The following DOCK9 variants were observed in gnomAD, a reference collection of about 807,000 sequenced individuals.
The protein encoded by DOCK9 is dedicator of cytokinesis 9, also known as dedicator of cytokinesis protein 9.
DOCK9 carries 89 observed loss-of-function variants against 263.3 expected under a neutral mutation model. The observed-to-expected ratio is 0.34, with a 90% CI of 0.28 to 0.40. The LOEUF (loss-of-function observed/expected upper bound fraction) is 0.40, where lower values mean the gene tolerates loss of function less well. Among genes scored for constraint, DOCK9 ranks in the 10% least tolerant of loss-of-function variants. The probability of loss-of-function intolerance (pLI) is 1.00; values close to 1 mark genes in which losing one functional copy is unlikely to be tolerated. For missense variants in DOCK9, 2,140 were observed against 2,603.4 expected, an observed-to-expected ratio of 0.82 and a Z score of 3.87; for synonymous variants, 976 against 973.1, an observed-to-expected ratio of 1.00 and a Z score of -0.06.
At chr13:98,798,943 C>T (rs2089780904) in intron 50 of DOCK9, among the ~76,000 whole-genome samples, 1 of 152,210 alleles carries the variant, frequency 6.6e-6, no homozygotes, top group African/African-American at 2.4e-5. Flanking sequence ...ACTGGTGCCA[C>T]ACCCCTCCAG....
intron 31 of DOCK9, 34 bp downstream of exon 31, chr13:98,863,336 T>C: frequency 6.2e-7 from 1 of 1,601,326 alleles, no homozygotes. Flanking sequence ...AAGGACATTA[T>C]CAATGCACAT....
intron 1 of DOCK9, among the ~76,000 whole-genome samples, chr13:98,964,185 G>C (rs2058966662): frequency 6.6e-6 from 1 of 152,208 alleles, no homozygotes; most frequent in South Asian, 2.1e-4. Flanking sequence ...ATGAATGACA[G>C]CAGCAGGGAC....
chr13:98,917,641 T>A (rs1382808910), intron 7 of DOCK9, among the ~76,000 whole-genome samples: 5 of 148,306 alleles, frequency 3.4e-5, no homozygotes, highest in Non-Finnish European at 1.5e-5. Context: ...TACCTTTTTT[T>A]TTCTTTTTTT....
In DOCK9 at chr13:98,888,423, G is replaced by A. The variant is rs1254091639; in HGVS notation, c.1914C>T (p.Tyr638=). 1 of 1,613,904 alleles carries A rather than the reference G, an allele frequency of 6.2e-7. No individual in the cohort carries two copies. The highest frequency in any genetic ancestry group is 8.5e-7 in the Non-Finnish European group (1 of 1,179,888). The part of the protein sequence containing the change: ...IPKHTQPYTI[Y]TNHLYVYPKY... ...TAGGATAAACGTAAAGGTGATTGGT[G>A]TAGATGGTGTAAGGCTGAGTGTGTT... Residue 638 remains tyrosine, a synonymous_variant, in exon 17 of 53, where the codon TAC becomes TAT. Transcript: ENST00000682017.
intron 7 of DOCK9, among the ~76,000 whole-genome samples, chr13:98,918,629 C>T (rs2051302259): frequency 6.6e-6 from 1 of 152,108 alleles, no homozygotes. Flanking sequence ...CCTTGAAATT[C>T]CAAGGTAAAA....
chr13:98,875,743 T>C (rs1056570328), intron 27 of DOCK9, among the ~76,000 whole-genome samples: 7 of 152,228 alleles, frequency 4.6e-5, no homozygotes, highest in African/African-American at 1.7e-4. Flanking sequence ...TCCAAGTACA[T>C]GTCACCTATG....
At position 98,831,390 on chromosome 13, in the gene DOCK9, A is replaced by G; in HGVS notation, c.4593T>C (p.Phe1531=). The G allele has an allele frequency of 6.2e-7, 1 of 1,605,126 alleles. No individual in the cohort carries two copies. The highest frequency in any genetic ancestry group is 8.5e-7 in the Non-Finnish European group (1 of 1,175,548). The change falls in exon 41 of 53, where the codon TTT becomes TTC. Residue 1531 remains phenylalanine, a synonymous_variant. Transcript: ENST00000682017. ...CAAAGGACTTCTTTCCAGTGTAATC[A>G]AAGTTGTTCCTCATCAGGAAGTAGA... ...QLLYFLMRNN[F]DYTGKKSFVR...
chr13:99,067,863 A>G (rs1341941580), intron 1 of DOCK9, among the ~76,000 whole-genome samples: 1 of 140,928 alleles, frequency 7.1e-6, no homozygotes, highest in African/African-American at 2.6e-5. Flanking sequence ...CATTGTAAGG[A>G]CAGAAGCTTT....
chr13:99,082,103 C>A (rs998213113), intron 1 of DOCK9, among the ~76,000 whole-genome samples: 1 of 152,110 alleles, frequency 6.6e-6, no homozygotes. Context: ...CCTGTAATCC[C>A]AGCTACTCTG....
At position 98,886,630 on chromosome 13, in the gene DOCK9, A is replaced by AT; in HGVS notation, c.2044-7dup. 6.2e-7 allele frequency: 1 copy of AT among 1,612,378 alleles called. No homozygotes were observed. Among genetic ancestry groups the AT allele is most frequent in the Non-Finnish European group, 8.5e-7 (1 of 1,178,756 alleles). On this transcript the variant is annotated splice_polypyrimidine_tract_variant and splice_region_variant and intron_variant, in intron 18 of 52. Transcript: ENST00000682017. ...CCAGGTCTGCCATAAATGCACTAAA[A>AT]TAAGAGTTACCAAAGGGAAACATCA... is the stretch of plus-strand genomic sequence containing the variant.
At chr13:98,998,539 C>A (rs1375927151) in intron 1 of DOCK9, among the ~76,000 whole-genome samples, 1 of 152,142 alleles carries the variant, frequency 6.6e-6, no homozygotes, top group Non-Finnish European at 1.5e-5. Context: ...ATTTCCGAAC[C>A]AAGAGACTTG....
chr13:98,967,825 T>A (rs1159791790), intron 1 of DOCK9, among the ~76,000 whole-genome samples: 1 of 152,196 alleles, frequency 6.6e-6, no homozygotes, highest in East Asian at 1.9e-4. Flanking sequence ...AAATACTAAA[T>A]CTTTCCAAAG....
chr13:99,074,820 G>A (rs1310648146), intron 1 of DOCK9, among the ~76,000 whole-genome samples: 2 of 152,086 alleles, frequency 1.3e-5, no homozygotes, highest in Non-Finnish European at 2.9e-5. Context: ...CTCTACTTAC[G>A]TTAAATTTTG....
At chr13:98,898,431 T>C (rs1197840437) in intron 13 of DOCK9, among the ~76,000 whole-genome samples, 170 bp from the exon 14 acceptor site, 4 of 152,128 alleles carry the variant, frequency 2.6e-5, no homozygotes, top group African/African-American at 9.7e-5. Context: ...CTGTGCAGAG[T>C]ACTTTATTTA....
At chr13:99,062,677 G>C (rs141639991) in intron 1 of DOCK9, among the ~76,000 whole-genome samples, 53 of 152,254 alleles carry the variant, frequency 3.5e-4, no homozygotes, top group African/African-American at 1.1e-3. Flanking sequence ...TTCACTGCTC[G>C]TAACAGGAAA....
rs371496060 is a variant in DOCK9, at chr13:98,926,109, A to G, written c.334-190T>C. Among the ~76,000 whole-genome samples, 233 of 152,326 alleles carry G rather than the reference A, an allele frequency of 1.5e-3. 9 individuals are homozygous for G. In the South Asian group the frequency reaches 0.045, roughly 30 times the overall value. The stretch of plus-strand genomic sequence containing the variant: ...GCTTGAGACTTTGAACCACTGAAAC[A>G]TTACCCTTGGGGGTAGTATCACTTT... On this transcript the variant is annotated intron_variant, in intron 3 of 52. Coordinates refer to ENST00000682017, the MANE Select transcript of DOCK9 (RefSeq NM_001366683.2).
At chr13:98,799,222 G>A (rs2089812920) in intron 50 of DOCK9, among the ~76,000 whole-genome samples, 1 of 152,110 alleles carries the variant, frequency 6.6e-6, no homozygotes. Context: ...ATGGGAAGTT[G>A]ACAAAATATA....
At chr13:98,995,525 G>T (rs1410115906) in intron 1 of DOCK9, among the ~76,000 whole-genome samples, 7 of 121,930 alleles carry the variant, frequency 5.7e-5, no homozygotes, top group Admixed American at 2.1e-4. Context: ...GTCTCGCTCT[G>T]TCCCCCAGGC....
Position 98,806,479 on chromosome 13 carries a change from A to C in DOCK9, c.5514+1182T>G, listed in dbSNP as rs144012995. Among the ~76,000 whole-genome samples, 1,099 of 152,396 alleles carry C rather than the reference A, an allele frequency of 7.2e-3. 9 individuals are homozygous for C. Among genetic ancestry groups the C allele is most frequent in the Non-Finnish European group, 0.011 (766 of 68,042 alleles). ...CACAAAAGAAATGGCTGTGCAGAGC[A>C]CATGGAGACCATACTGGTATAAGGC... On this transcript the variant is annotated intron_variant, in intron 48 of 52. Coordinates refer to ENST00000682017, the MANE Select transcript of DOCK9 (RefSeq NM_001366683.2).
Sources: allele counts gnomAD v4.1 joint callset (sites outside exome capture counted in the v4.1 genomes callset), GRCh38; gene constraint gnomAD v4.1.1; transcripts MANE v1.5; gene names NCBI Gene and HGNC (gene_info 2026-07-23, HGNC 2026-07-21).